ANKH: variants seen among roughly 807,000 people sequenced by gnomAD.
ANKH encodes the protein ANKH inorganic pyrophosphate transport regulator, also known as mineralization regulator ANKH.
ANKH carries 15 observed loss-of-function variants against 49.0 expected under a neutral mutation model. The observed-to-expected ratio is 0.31, with a 90% CI of 0.20 to 0.47. The LOEUF (loss-of-function observed/expected upper bound fraction) is 0.47. ANKH is among the 20% of genes least tolerant of loss of function. The pLI, the probability that ANKH is intolerant of heterozygous loss-of-function variation, is 1.00. For synonymous variants in ANKH, 273 were observed against 260.0 expected (o/e 1.05, Z -0.48); for missense variants, 429 against 652.0 (o/e 0.66, Z 3.72).
At chr5:14,859,719 C>T (rs1225407006) in intron 1 of ANKH, among the ~76,000 whole-genome samples, 3 of 152,138 alleles carry the variant, frequency 2.0e-5, no homozygotes, top group Admixed American at 2.0e-4. Context: ...TGGAAATGTC[C>T]CATATCCTCA....
At chr5:14,856,710 G>A (rs556503760) in intron 1 of ANKH, among the ~76,000 whole-genome samples, 5 of 152,186 alleles carry the variant, frequency 3.3e-5, no homozygotes, top group East Asian at 1.9e-4. Context: ...GAAAAAGAAC[G>A]TTTTCTCTTT....
At chr5:14,776,214 T>C (rs1201971389) in intron 1 of ANKH, among the ~76,000 whole-genome samples, 2 of 152,150 alleles carry the variant, frequency 1.3e-5, no homozygotes, top group Non-Finnish European at 2.9e-5. Flanking sequence ...AGCAATTTTC[T>C]GGGTTGAGGA....
intron 8 of ANKH, among the ~76,000 whole-genome samples, chr5:14,720,048 T>C (rs1216089408): frequency 6.6e-6 from 1 of 152,198 alleles, no homozygotes; most frequent in African/African-American, 2.4e-5. Context: ...TTTTAGGCTC[T>C]GAGTACACTA....
At chr5:14,766,553 G>A (rs1485107899) in intron 2 of ANKH, among the ~76,000 whole-genome samples, 1 of 152,160 alleles carries the variant, frequency 6.6e-6, no homozygotes, top group African/African-American at 2.4e-5. Context: ...GAAAATAAAT[G>A]CCTTTGAAAA....
chr5:14,766,921 A>G (rs1435354082), intron 2 of ANKH, among the ~76,000 whole-genome samples: 1 of 152,194 alleles, frequency 6.6e-6, no homozygotes, highest in African/African-American at 2.4e-5. Context: ...TATCTATGTC[A>G]GTGTTCCCCT....
chr5:14,847,561 G>C (rs921238396), intron 1 of ANKH, among the ~76,000 whole-genome samples: 1 of 152,188 alleles, frequency 6.6e-6, no homozygotes, highest in African/African-American at 2.4e-5. Flanking sequence ...GGGCAGGCCT[G>C]GTCCTTCTAG....
intron 8 of ANKH, among the ~76,000 whole-genome samples, chr5:14,727,348 T>C (rs905573832): frequency 6.3e-4 from 96 of 152,268 alleles, no homozygotes; most frequent in African/African-American, 2.1e-3. Context: ...CTTTCAGATA[T>C]AGTTTTATAA....
rs1323373373 is a variant in ANKH, at chr5:14,793,043, TATATAA to T, written c.97-23858_97-23853del. ...ATAAATATATATATATAAAAATATA[TATATAA>T]ATATATATAAAATATATATAAATAT... On this transcript the variant is annotated intron_variant, in intron 1 of 11. Transcript: ENST00000284268. 1.2e-3 allele frequency among the ~76,000 whole-genome samples: 56 copies of T among 47,418 alleles called. 2 individuals are homozygous for T. Among genetic ancestry groups the T allele is most frequent in the African/African-American group, 4.4e-3 (53 of 12,160 alleles). 31.1% of individuals were successfully genotyped at this position (47,418 alleles called of 152,430 possible).
At chr5:14,786,526 T>C (rs1433663325) in intron 1 of ANKH, among the ~76,000 whole-genome samples, 1 of 152,132 alleles carries the variant, frequency 6.6e-6, no homozygotes, top group Non-Finnish European at 1.5e-5. Context: ...AGCAGATATT[T>C]AACTACAGAG....
chr5:14,840,338 G>C lies in ANKH; in HGVS notation c.96+31014C>G, dbSNP rs567356675. Among the ~76,000 whole-genome samples, 3 of 152,278 alleles carry C rather than the reference G, an allele frequency of 2.0e-5. No homozygotes were observed. The South Asian group carries it at 6.2e-4, about 32-fold the overall frequency. ...AGGAAAGCTATAGTATTCCAGCAGGGTAGAAGTGTCCACCATTTTCCATTT... is the reference window on the plus strand; with the variant it reads ...AGGAAAGCTATAGTATTCCAGCAGGCTAGAAGTGTCCACCATTTTCCATTT... On this transcript the variant is annotated intron_variant, in intron 1 of 11. Coordinates refer to ENST00000284268, the MANE Select transcript of ANKH (RefSeq NM_054027.6).
intron 1 of ANKH, among the ~76,000 whole-genome samples, chr5:14,786,045 CAAAAAAAAAA>C (rs71603742): frequency 1.5e-5 from 1 of 67,206 alleles, no homozygotes; most frequent in Non-Finnish European, 3.0e-5. Context: ...GACTCTGTCT[CAAAAAAAAAA>C]AAAAAAAAAA....
intron 1 of ANKH, among the ~76,000 whole-genome samples, chr5:14,861,209 C>T (rs1277100512): frequency 4.6e-5 from 7 of 152,204 alleles, no homozygotes; most frequent in African/African-American, 1.4e-4. Flanking sequence ...GATGACTGAA[C>T]CTCCAAGACT....
chr5:14,854,108 G>T (rs1742193152), intron 1 of ANKH, among the ~76,000 whole-genome samples: 1 of 152,156 alleles, frequency 6.6e-6, no homozygotes, highest in South Asian at 2.1e-4. Flanking sequence ...AAATGGCTGA[G>T]AACTAACTGT....
Position 14,745,941 on chromosome 5 carries a change from T to C in ANKH, c.844A>G (p.Thr282Ala), listed in dbSNP as rs200725355. The stretch of plus-strand genomic sequence containing the variant: ...TATGGCATGTGACCCACAGGGTATG[T>C]GGCTGTCAAAATCGCCACTGCCTGC... ...ATEAVAILTATYPVGHMPYGW... is the reference protein window; with the variant it reads ...ATEAVAILTAAYPVGHMPYGW... The change falls in exon 7 of 12, where the codon ACA becomes GCA. Residue 282 changes from threonine (T) to alanine (A), a missense_variant. By Grantham distance (58) the Thr-to-Ala change is moderately conservative (BLOSUM62 0). This residue lies in a region of ANKH where 378 missense variants were observed against 615.3 expected (regional missense o/e 0.61). Coordinates refer to ENST00000284268, the MANE Select transcript of ANKH (RefSeq NM_054027.6). The surrounding 1 kb of genome is among the most constrained non-coding windows in gnomAD (Gnocchi z 4.7). The C allele has an allele frequency of 6.2e-7, 1 of 1,614,188 alleles. No homozygotes were observed. The highest frequency in any genetic ancestry group is 1.7e-5 in the Admixed American group (1 of 60,036).
intron 1 of ANKH, among the ~76,000 whole-genome samples, chr5:14,824,391 T>C (rs971850683): frequency 1.3e-5 from 2 of 152,148 alleles, no homozygotes; most frequent in African/African-American, 4.8e-5. Context: ...ATAATAGAGA[T>C]ATAAAAAAGC....
intron 9 of ANKH, among the ~76,000 whole-genome samples, chr5:14,714,955 C>T (rs1737388647): frequency 6.6e-6 from 1 of 152,248 alleles, no homozygotes; most frequent in South Asian, 2.1e-4. Context: ...TAGATGGTGG[C>T]ACCTTCCAGA....
At chr5:14,835,252 T>C (rs1382646437) in intron 1 of ANKH, among the ~76,000 whole-genome samples, 2 of 152,236 alleles carry the variant, frequency 1.3e-5, no homozygotes, top group Admixed American at 6.5e-5. Flanking sequence ...CTGTTGAGAC[T>C]GAAAGAGATG....
Position 14,713,116 on chromosome 5 carries a change from G to T in ANKH, c.1266-143C>A, listed in dbSNP as rs1037756800. 3.7e-6 allele frequency: 3 copies of T among 820,342 alleles called. No individual in the cohort carries two copies. Among genetic ancestry groups the T allele is most frequent in the African/African-American group, 1.7e-5 (1 of 59,394 alleles). The allele number at this position is 820,342 out of a possible 1,614,324, so 50.8% of individuals were successfully genotyped here. A position where few individuals can be genotyped will look rare whatever the true frequency, so the allele number is the denominator to read the frequency against. On this transcript the variant is annotated intron_variant, in intron 10 of 11. Coordinates refer to ENST00000284268, the MANE Select transcript of ANKH (RefSeq NM_054027.6). This position sits in a 1 kb window ranked among gnomAD's most constrained non-coding sequence, Gnocchi z 4.4. ...TCCATCTGCTGGCTTCGTAAGGGCC[G>T]CAGCTAATAACCTAATGTGTGAGGG...
At chr5:14,827,718 T>C (rs932829041) in intron 1 of ANKH, among the ~76,000 whole-genome samples, 4 of 151,690 alleles carry the variant, frequency 2.6e-5, no homozygotes, top group African/African-American at 9.7e-5. Flanking sequence ...TTTGTTGTAT[T>C]TCTCCTTATA....
Sources: allele counts gnomAD v4.1 joint callset (sites outside exome capture counted in the v4.1 genomes callset), GRCh38; gene constraint gnomAD v4.1.1; regional missense constraint gnomAD v4.1.1; non-coding constraint Gnocchi (gnomAD v3.1); transcripts MANE v1.5; gene names NCBI Gene and HGNC (gene_info 2026-07-23, HGNC 2026-07-21).